RCBTB2: variants seen among roughly 807,000 people sequenced by gnomAD.
RCBTB2 encodes RCC1 and BTB domain containing protein 2.
In RCBTB2, 55 loss-of-function variants were observed where a neutral mutation model predicts 65.4. That is an observed-to-expected ratio of 0.84 (90% CI 0.68 to 1.05). The LOEUF (loss-of-function observed/expected upper bound fraction) is 1.05. Among genes scored for constraint, RCBTB2 ranks in the 50% least tolerant of loss-of-function variants. The pLI, the probability that RCBTB2 is intolerant of heterozygous loss-of-function variation, is 0.00. For synonymous variants in RCBTB2, 220 were observed against 255.2 expected (o/e 0.86, Z 1.31); for missense variants, 599 against 680.1 (o/e 0.88, Z 1.33).
chr13:48,503,183 G>C (rs1311879618), intron 10 of RCBTB2, among the ~76,000 whole-genome samples: 1 of 152,098 alleles, frequency 6.6e-6, no homozygotes, highest in Non-Finnish European at 1.5e-5. Flanking sequence ...TAGCCAGTAG[G>C]CCTATAAAAA....
intron 13 of RCBTB2, 112 bp from the exon 14 acceptor site, chr13:48,496,433 TGAA>T: frequency 9.0e-7 from 1 of 1,114,570 alleles, no homozygotes. Context: ...TAATCCTCAG[TGAA>T]GCACTGCATA....
intron 2 of RCBTB2, among the ~76,000 whole-genome samples, chr13:48,522,839 G>A (rs1174271168): frequency 6.6e-6 from 1 of 152,142 alleles, no homozygotes; most frequent in East Asian, 1.9e-4. Context: ...CTACAGTAGA[G>A]TGAGAGCCTC....
In RCBTB2 at chr13:48,522,332, G is replaced by A. The variant is rs1951473905; in HGVS notation, c.-48C>T. The A allele has an allele frequency of 7.2e-6, 11 of 1,530,282 alleles. No individual in the cohort carries two copies. Among genetic ancestry groups the A allele is most frequent in the Non-Finnish European group, 9.6e-6 (11 of 1,142,296 alleles). 94.8% of individuals were successfully genotyped at this position (1,530,282 alleles called of 1,614,324 possible). ...CCTTTGTCAACTTTTCTCTGGGATT[G>A]GAAAGTTCCAAATCACGGGGAAGAG... On this transcript the variant is annotated 5_prime_UTR_variant, in exon 3 of 15. Transcript: ENST00000344532.
intron 10 of RCBTB2, 115 bp downstream of exon 10, chr13:48,510,514 T>C (rs1020092761): frequency 9.0e-6 from 11 of 1,224,534 alleles, no homozygotes; most frequent in Non-Finnish European, 1.2e-5. Flanking sequence ...AATACTCTTG[T>C]TAAATAATAT....
At chr13:48,494,671 C>T (rs530393161) in intron 14 of RCBTB2, among the ~76,000 whole-genome samples, 8 of 152,304 alleles carry the variant, frequency 5.3e-5, no homozygotes, top group East Asian at 1.9e-4. Context: ...GCAAACACCA[C>T]GTGCCACCAT....
rs111509190 is a variant in RCBTB2 at position 48,496,174 on chromosome 13, A to T, written c.1515+17T>A. 2.0e-5 allele frequency: 28 copies of T among 1,435,398 alleles called. No individual in the cohort carries two copies. The African/African-American group carries it at 3.0e-4, about 15-fold the overall frequency. The allele number at this position is 1,435,398 out of a possible 1,614,324, so 88.9% of individuals were successfully genotyped here. Reference sequence around the variant, plus strand: ...ATTTCTCCAGGAGGCCGGCAGCTGGAAGCAAGCTTTCCTTACCTGTGCATC... The same window carrying T: ...ATTTCTCCAGGAGGCCGGCAGCTGGTAGCAAGCTTTCCTTACCTGTGCATC... On this transcript the variant is annotated intron_variant, in intron 14 of 14. Transcript: ENST00000344532.
At position 48,524,494 on chromosome 13, in the gene RCBTB2, T is replaced by C. The variant is rs76558760; in HGVS notation, c.-120+165A>G. The stretch of plus-strand genomic sequence containing the variant: ...AACGTGACCAATAGTCACCAACCAA[T>C]CAGTGTCAGAGCCAGTATTTGAACC... On this transcript the variant is annotated intron_variant, in intron 2 of 14. Coordinates refer to ENST00000344532, the MANE Select transcript of RCBTB2 (RefSeq NM_001268.4). 0.012 allele frequency among the ~76,000 whole-genome samples: 1,780 copies of C among 152,334 alleles called. 64 individuals carry two copies. In the East Asian group the frequency reaches 0.12, roughly 10 times the overall value.
chr13:48,495,865 C>G (rs1456727081), intron 14 of RCBTB2, among the ~76,000 whole-genome samples: 1 of 152,138 alleles, frequency 6.6e-6, no homozygotes, highest in African/African-American at 2.4e-5. Context: ...GTTTTTCACT[C>G]TGGTAAACAG....
chr13:48,521,669 C>T (rs1042780702), intron 4 of RCBTB2, among the ~76,000 whole-genome samples: 13 of 152,206 alleles, frequency 8.5e-5, no homozygotes, highest in African/African-American at 2.4e-4. Context: ...CTGTCACCAT[C>T]GCTGGGAGCC....
upstream of RCBTB2, chr13:48,533,340 G>A: frequency 6.7e-6 from 2 of 299,882 alleles, no homozygotes; most frequent in Non-Finnish European, 1.3e-5. Flanking sequence ...TTTCCAGGGA[G>A]TTCCTCCGTG....
At chr13:48,493,916 C>T (rs1949860248) in intron 14 of RCBTB2, among the ~76,000 whole-genome samples, 1 of 152,074 alleles carries the variant, frequency 6.6e-6, no homozygotes, top group Admixed American at 6.5e-5. Context: ...TAGGGCAGTG[C>T]CAGGCATGTA....
intron 11 of RCBTB2, 152 bp from the exon 12 acceptor site, chr13:48,502,020 G>A (rs1950258870): frequency 1.9e-6 from 1 of 523,542 alleles, no homozygotes; most frequent in Non-Finnish European, 3.2e-6. Flanking sequence ...CCTGAAGACA[G>A]ATTTGCATCT....
upstream of RCBTB2, chr13:48,533,158 G>T (rs1356794300): frequency 2.6e-6 from 1 of 381,324 alleles, no homozygotes; most frequent in African/African-American, 2.2e-5. Context: ...GCGCTCGGGT[G>T]CCCGGCCGAG....
In RCBTB2 at chr13:48,522,288, A is replaced by T; in HGVS notation, c.-24+20T>A. ...ATTTCAGAGTTGACTTCCTGTGATA[A>T]GGAAAAATAAATTTTAGACCTTTGT... is the stretch of plus-strand genomic sequence containing the variant. On this transcript the variant is annotated intron_variant, in intron 3 of 14. Transcript: ENST00000344532. The T allele has an allele frequency of 6.8e-7, 1 of 1,460,368 alleles. No individual in the cohort carries two copies. The highest frequency in any genetic ancestry group is 9.3e-7 in the Non-Finnish European group (1 of 1,078,498). 90.5% of individuals were successfully genotyped at this position (1,460,368 alleles called of 1,614,324 possible).
intron 6 of RCBTB2, among the ~76,000 whole-genome samples, chr13:48,513,597 C>T (rs1247584252): frequency 6.6e-6 from 1 of 152,176 alleles, no homozygotes; most frequent in Admixed American, 6.5e-5. Flanking sequence ...TACTAATTTG[C>T]TGTGTTCAAA....
At chr13:48,535,534 A>C, upstream of RCBTB2, 1 of 397,548 alleles carries the variant, frequency 2.5e-6, no homozygotes, top group Non-Finnish European at 5.1e-6. Flanking sequence ...GAGATTATAG[A>C]TGTGAGCTAT....
intron 4 of RCBTB2, among the ~76,000 whole-genome samples, chr13:48,521,427 T>C (rs1195244277): frequency 6.6e-6 from 1 of 152,208 alleles, no homozygotes; most frequent in Non-Finnish European, 1.5e-5. Flanking sequence ...ATGTGAGGCT[T>C]TTAACAACAA....
Position 48,502,826 on chromosome 13 carries a change from C to T in RCBTB2, c.1015G>A (p.Gly339Ser), listed in dbSNP as rs1340124817. 1 of 1,614,064 alleles carries T rather than the reference C, an allele frequency of 6.2e-7. No individual in the cohort carries two copies. Among genetic ancestry groups the T allele is most frequent in the Non-Finnish European group, 8.5e-7 (1 of 1,180,028 alleles). ...GHVYMWGQCRGQSVILPHLTH... is the reference protein window; with the variant it reads ...GHVYMWGQCRSQSVILPHLTH... Reference sequence around the variant, plus strand: ...AGGTGCGGGAGGATCACGGACTGACCCCGGCACTGGCCCCACATGTACACG... The same window carrying T: ...AGGTGCGGGAGGATCACGGACTGACTCCGGCACTGGCCCCACATGTACACG... Residue 339 changes from glycine (G) to serine (S), a missense_variant, in exon 11 of 15, where the codon GGT (glycine) becomes AGT (serine). Transcript: ENST00000344532.
At position 48,515,301 on chromosome 13, in the gene RCBTB2, T is replaced by C; in HGVS notation, c.253A>G (p.Ser85Gly). The change falls in exon 6 of 15, where the codon AGC becomes GGC. Residue 85 changes from serine (S) to glycine (G), a missense_variant. By Grantham distance (56) the Ser-to-Gly change is moderately conservative (BLOSUM62 0). Coordinates refer to ENST00000344532, the MANE Select transcript of RCBTB2 (RefSeq NM_001268.4). ...TCCAGTCTCCGAGGTTCAATGGTGCTCTGGACGTCACCTAACCCCAAACAG... is the reference window on the plus strand; with the variant it reads ...TCCAGTCTCCGAGGTTCAATGGTGCCCTGGACGTCACCTAACCCCAAACAG... ...CGCLGLGDVQ[S>G]TIEPRRLDSL... 1 of 1,614,170 alleles carries C rather than the reference T, an allele frequency of 6.2e-7. No individual in the cohort carries two copies. Among genetic ancestry groups the C allele is most frequent in the Non-Finnish European group, 8.5e-7 (1 of 1,179,996 alleles).
Sources: allele counts gnomAD v4.1 joint callset (sites outside exome capture counted in the v4.1 genomes callset), GRCh38; gene constraint gnomAD v4.1.1; transcripts MANE v1.5; gene names NCBI Gene and HGNC (gene_info 2026-07-23, HGNC 2026-07-21).